PLCB1: variants seen among roughly 807,000 people sequenced by gnomAD.
PLCB1 encodes 1-phosphatidylinositol 4,5-bisphosphate phosphodiesterase beta-1.
A neutral mutation model predicts 161.8 loss-of-function variants in PLCB1; 46 were observed. That is an observed-to-expected ratio of 0.28 (90% confidence interval 0.22 to 0.36). The LOEUF is 0.36. Ranked by LOEUF, PLCB1 falls within the 10% of genes least tolerant of loss-of-function variation. The pLI is 1.00. For missense variants in PLCB1, 1,016 were observed against 1,472.5 expected (o/e 0.69, Z 5.07); for synonymous variants, 517 against 503.7 (o/e 1.03, Z -0.35).
intron 3 of PLCB1, among the ~76,000 whole-genome samples, chr20:8,442,428 A>C (rs2122616105): frequency 6.6e-6 from 1 of 152,300 alleles, no homozygotes; most frequent in South Asian, 2.1e-4. Context: ...TAAAGGCCTT[A>C]ATCTCATCTT....
chr20:8,570,141 C>T (rs765596610), intron 3 of PLCB1, among the ~76,000 whole-genome samples: 22 of 152,178 alleles, frequency 1.4e-4, no homozygotes, highest in Non-Finnish European at 2.6e-4. Flanking sequence ...CATGCTCACA[C>T]TGAGGGTCAG....
chr20:8,181,799 T>A (rs1322495164), intron 2 of PLCB1, among the ~76,000 whole-genome samples: 1 of 110,890 alleles, frequency 9.0e-6, no homozygotes, highest in Non-Finnish European at 1.8e-5. Flanking sequence ...ACAAAGGATG[T>A]CTACAAAAAT....
chr20:8,680,766 C>T (rs1361596058), intron 9 of PLCB1, among the ~76,000 whole-genome samples: 1 of 151,912 alleles, frequency 6.6e-6, no homozygotes, highest in African/African-American at 2.4e-5. Context: ...ATTATCCTCA[C>T]ACTCACTCAC....
chr20:8,397,607 C>T (rs959435768), intron 3 of PLCB1, among the ~76,000 whole-genome samples: 1 of 151,628 alleles, frequency 6.6e-6, no homozygotes, highest in African/African-American at 2.4e-5. Context: ...CTACCCAGTC[C>T]TCTCATCTCA....
chr20:8,541,576 G>GAAAGAAAGAAAA (rs2122958543), intron 3 of PLCB1, among the ~76,000 whole-genome samples: 1 of 149,568 alleles, frequency 6.7e-6, no homozygotes, highest in South Asian at 2.2e-4. Context: ...AAGAAAGAAA[G>GAAAGAAAGAAAA]AAAGAAAGAA....
chr20:8,374,661 A>G (rs1208318138), intron 3 of PLCB1, among the ~76,000 whole-genome samples: 2 of 152,222 alleles, frequency 1.3e-5, no homozygotes, highest in Admixed American at 1.3e-4. Context: ...GTTGGTTAGA[A>G]CAAAAGCAGC....
intron 3 of PLCB1, among the ~76,000 whole-genome samples, chr20:8,507,067 A>G (rs1351835232): frequency 6.6e-6 from 1 of 152,188 alleles, no homozygotes; most frequent in African/African-American, 2.4e-5. Flanking sequence ...TATGTATTGT[A>G]TACTGTATTC....
chr20:8,877,829 T>A (rs1480165968), intron 31 of PLCB1, among the ~76,000 whole-genome samples: 1 of 152,134 alleles, frequency 6.6e-6, no homozygotes, highest in East Asian at 1.9e-4. Flanking sequence ...TTAAAAAGAG[T>A]GAAATATATG....
chr20:8,587,966 C>A (rs1227712834), intron 3 of PLCB1, among the ~76,000 whole-genome samples: 1 of 152,148 alleles, frequency 6.6e-6, no homozygotes, highest in Non-Finnish European at 1.5e-5. Context: ...CTCTCCCAAC[C>A]CCCACCAAAA....
chr20:8,651,610 C>T (rs1414919927), intron 7 of PLCB1: 1 of 673,854 alleles, frequency 1.5e-6, no homozygotes, highest in Non-Finnish European at 2.7e-6. Flanking sequence ...TTCTTGAGCT[C>T]TTACTATGTG....
intron 2 of PLCB1, among the ~76,000 whole-genome samples, chr20:8,238,633 T>C (rs1414739600): frequency 6.6e-6 from 1 of 151,254 alleles, no homozygotes; most frequent in African/African-American, 2.4e-5. Context: ...TATTAACATA[T>C]GCAGGATGAA....
At chr20:8,662,888 C>T (rs1271905817) in intron 9 of PLCB1, among the ~76,000 whole-genome samples, 1 of 151,884 alleles carries the variant, frequency 6.6e-6, no homozygotes, top group Non-Finnish European at 1.5e-5. Flanking sequence ...AGATGAGCTA[C>T]AGACTTTAAA....
At chr20:8,739,459 C>T (rs1980757740) in intron 21 of PLCB1, 99 bp downstream of exon 21, 1 of 772,592 alleles carries the variant, frequency 1.3e-6, no homozygotes, top group Admixed American at 2.1e-5. Flanking sequence ...CTATTTTCTG[C>T]TTTGTAATTT....
chr20:8,213,688 TGG>T (rs1978954138), intron 2 of PLCB1, among the ~76,000 whole-genome samples: 1 of 151,882 alleles, frequency 6.6e-6, no homozygotes, highest in Non-Finnish European at 1.5e-5. Context: ...GTGGTGGTGG[TGG>T]TGGTGTGTGT....
At chr20:8,273,033 ACAATTAAAATGTAC>A (rs1982360757) in intron 2 of PLCB1, among the ~76,000 whole-genome samples, 1 of 152,202 alleles carries the variant, frequency 6.6e-6, no homozygotes, top group Non-Finnish European at 1.5e-5. Flanking sequence ...TAAAGCAATG[ACAATTAAAATGTAC>A]CAATTCCCCA....
chr20:8,774,545 A>G lies in PLCB1; in HGVS notation c.2937A>G (p.Glu979=). 1 of 1,606,526 alleles carries G rather than the reference A, an allele frequency of 6.2e-7. No individual in the cohort carries two copies. ...SAKKDSKKKS[E]PSSPDHGSST... ...AAACTCTGTGTCTTTGCAGATCGGA[A>G]CCCAGCAGCCCTGATCATGGTTCAT... Residue 979 remains glutamate, a synonymous_variant, in exon 27 of 32, where the codon GAA becomes GAG. Coordinates refer to ENST00000338037, the MANE Select transcript of PLCB1 (RefSeq NM_015192.4).
chr20:8,258,626 A>G (rs924771998), intron 2 of PLCB1, among the ~76,000 whole-genome samples: 1 of 152,200 alleles, frequency 6.6e-6, no homozygotes, highest in Admixed American at 6.5e-5. Context: ...ACAGATTAAT[A>G]ATAATTACTT....
intron 31 of PLCB1, among the ~76,000 whole-genome samples, chr20:8,840,214 A>G (rs1465086054): frequency 6.6e-6 from 1 of 152,182 alleles, no homozygotes; most frequent in African/African-American, 2.4e-5. Flanking sequence ...AGCAATATTA[A>G]TGGGTCTCTT....
At chr20:8,574,885 C>A (rs1986628422) in intron 3 of PLCB1, among the ~76,000 whole-genome samples, 1 of 148,392 alleles carries the variant, frequency 6.7e-6, no homozygotes, top group South Asian at 2.1e-4. Context: ...GATATAAAGG[C>A]TGATAGTTAG....
Sources: gnomAD v4.1 joint callset for allele counts (sites outside exome capture counted in the v4.1 genomes callset) on GRCh38, gnomAD v4.1.1 for gene constraint, MANE v1.5 for transcripts, NCBI Gene and HGNC (gene_info 2026-07-23, HGNC 2026-07-21) for gene names.